Variants in OSBP2 observed in about 807,000 individuals in gnomAD.
OSBP2 encodes the protein oxysterol binding protein 2, also known as oxysterol-binding protein 2.
Under a neutral mutation model 96.0 loss-of-function variants are expected in OSBP2, and 66 were observed. The observed-to-expected ratio is 0.69, with a 90% CI of 0.56 to 0.84. The LOEUF (loss-of-function observed/expected upper bound fraction) is 0.84, where lower values mean the gene tolerates loss of function less well. Ranked by LOEUF, OSBP2 falls within the 40% of genes least tolerant of loss-of-function variation. The probability of loss-of-function intolerance (pLI) is 0.00; values close to 1 mark genes in which losing one functional copy is unlikely to be tolerated. For synonymous variants in OSBP2, 525 were observed against 520.9 expected (o/e 1.01, Z -0.11); for missense variants, 1,038 against 1,222.7 (o/e 0.85, Z 2.25).
intron 2 of OSBP2, among the ~76,000 whole-genome samples, chr22:30,800,864 G>A (rs2090841112): frequency 6.6e-6 from 1 of 152,032 alleles, no homozygotes; most frequent in Non-Finnish European, 1.5e-5. Context: ...TCAATTTGTG[G>A]GCATGTCAGT....
At chr22:30,863,345 TGTTTTCTGGCGAGGGTGCA>T (rs992707179) in intron 2 of OSBP2, among the ~76,000 whole-genome samples, 13 of 152,226 alleles carry the variant, frequency 8.5e-5, no homozygotes, top group African/African-American at 1.9e-4. Flanking sequence ...TGGGAATGGC[TGTTTTCTGGCGAGGGTGCA>T]GTTTTCTGGC....
rs144392805 is a variant in OSBP2, at chr22:30,717,086, G to GTTTTTT, written c.644+21538_644+21539insTTTTTT. 4.3e-3 allele frequency among the ~76,000 whole-genome samples: 414 copies of GTTTTTT among 96,486 alleles called. 23 individuals carry two copies. The highest frequency in any genetic ancestry group is 0.035 in the South Asian group (91 of 2,630). The allele number at this position is 96,486 out of a possible 152,430, so 63.3% of individuals were successfully genotyped here. A position where few individuals can be genotyped will look rare whatever the true frequency, so the allele number is the denominator to read the frequency against. ...AAATCTATTTTGTTTTAATTTTACTGTTTTTGTGTGTGTGTGTGTGTGTGT... is the reference window on the plus strand; with the variant it reads ...AAATCTATTTTGTTTTAATTTTACTGTTTTTTTTTTTGTGTGTGTGTGTGTGTGTGT... On this transcript the variant is annotated intron_variant, in intron 1 of 13. Coordinates refer to ENST00000332585, the MANE Select transcript of OSBP2 (RefSeq NM_030758.4).
At chr22:30,716,732 C>T (rs542398651) in intron 1 of OSBP2, among the ~76,000 whole-genome samples, 5 of 152,336 alleles carry the variant, frequency 3.3e-5, no homozygotes, top group Admixed American at 1.3e-4. Context: ...GCCACCATGC[C>T]TAGCCCCTTT....
chr22:30,901,130 G>A (rs894589808), intron 12 of OSBP2, among the ~76,000 whole-genome samples: 1 of 152,190 alleles, frequency 6.6e-6, no homozygotes, highest in Non-Finnish European at 1.5e-5. Flanking sequence ...GTACAGTGAT[G>A]TGATCTCGAC....
intron 2 of OSBP2, among the ~76,000 whole-genome samples, chr22:30,778,007 T>C (rs1453830863): frequency 6.6e-6 from 1 of 151,996 alleles, no homozygotes; most frequent in Admixed American, 6.6e-5. Flanking sequence ...TATTTATTTA[T>C]TTATTTGAGA....
rs143317425 is a variant in OSBP2 at position 30,736,210 on chromosome 22, G to A, written c.645-4951G>A. ...ATTACAGGTGTGAGCCACCATCCCT[G>A]GCCTGAAGTGATTCATCTTCTAAGC... On this transcript the variant is annotated intron_variant, in intron 1 of 13. Transcript: ENST00000332585. 1.3e-4 allele frequency among the ~76,000 whole-genome samples: 20 copies of A among 152,240 alleles called. No homozygotes were observed. In the East Asian group the frequency reaches 3.7e-3, roughly 28 times the overall value.
At chr22:30,893,600 C>G (rs1184643792) in intron 10 of OSBP2, 34 bp downstream of exon 10, 1 of 1,613,220 alleles carries the variant, frequency 6.2e-7, no homozygotes, top group Non-Finnish European at 8.5e-7. Context: ...GGTGCATGGC[C>G]CGGGGGCTGG....
At chr22:30,894,678 TAAC>T (rs1489629526) in intron 12 of OSBP2, among the ~76,000 whole-genome samples, 1 of 152,130 alleles carries the variant, frequency 6.6e-6, no homozygotes, top group Non-Finnish European at 1.5e-5. Context: ...AAGATAAAAA[TAAC>T]AAAGAAATTC....
rs116483165 is a variant in OSBP2 at position 30,831,671 on chromosome 22, G to C, written c.854-38758G>C. Among the ~76,000 whole-genome samples, 737 of 152,296 alleles carry C rather than the reference G, an allele frequency of 4.8e-3. 7 individuals carry two copies. The highest frequency in any genetic ancestry group is 0.017 in the African/African-American group (711 of 41,554). On this transcript the variant is annotated intron_variant, in intron 2 of 13. Coordinates refer to ENST00000332585, the MANE Select transcript of OSBP2 (RefSeq NM_030758.4). ...AGGGTAGGGCCCTTCTGAATTGGGG[G>C]TGATGCTGGCACTGCCCCTGTTCTC...
chr22:30,902,170 G>T, intron 12 of OSBP2: 1 of 637,324 alleles, frequency 1.6e-6, no homozygotes. Flanking sequence ...TCCCACGGCA[G>T]TACTGGTGGC....
chr22:30,899,751 A>T (rs2040155321), intron 12 of OSBP2, among the ~76,000 whole-genome samples: 1 of 152,184 alleles, frequency 6.6e-6, no homozygotes, highest in Non-Finnish European at 1.5e-5. Context: ...ATATCAGAAA[A>T]TCCAATCCAA....
chr22:30,715,836 C>T (rs2089443937), intron 1 of OSBP2, among the ~76,000 whole-genome samples: 1 of 146,938 alleles, frequency 6.8e-6, no homozygotes, highest in Non-Finnish European at 1.5e-5. Flanking sequence ...GGATTATAAG[C>T]ATGAGCCACC....
At chr22:30,694,072 G>A (rs944437712), upstream of OSBP2, 15 of 1,186,280 alleles carry the variant, frequency 1.3e-5, no homozygotes, top group African/African-American at 3.7e-4. Flanking sequence ...TGCACAGACA[G>A]GTAAACCTCT....
chr22:30,844,280 T>C (rs952452704), intron 2 of OSBP2, among the ~76,000 whole-genome samples: 2 of 152,226 alleles, frequency 1.3e-5, no homozygotes, highest in African/African-American at 4.8e-5. Flanking sequence ...AGAGCCAACC[T>C]GTCCTTTGAA....
chr22:30,835,062 A>G (rs2038604834), intron 2 of OSBP2, among the ~76,000 whole-genome samples: 1 of 151,846 alleles, frequency 6.6e-6, no homozygotes, highest in Admixed American at 6.6e-5. Context: ...TGATCTGCCC[A>G]CCTCGGCCTC....
At position 30,770,097 on chromosome 22, in the gene OSBP2, A is replaced by ATT. The variant is rs136328; in HGVS notation, c.853+28747_853+28748dup. The stretch of plus-strand genomic sequence containing the variant: ...TGTTCCTCATTAACCTTCCCCCATG[A>ATT]TTTTTTTTTTTTTTTTTTTTGAGAT... On this transcript the variant is annotated intron_variant, in intron 2 of 13. Transcript: ENST00000332585. 4.5e-3 allele frequency among the ~76,000 whole-genome samples: 527 copies of ATT among 117,852 alleles called. 6 individuals carry two copies. The highest frequency in any genetic ancestry group is 0.017 in the African/African-American group (507 of 30,006). 77.3% of individuals were successfully genotyped at this position (117,852 alleles called of 152,430 possible).
chr22:30,808,948 C>T (rs887954318), intron 2 of OSBP2, among the ~76,000 whole-genome samples: 2 of 151,416 alleles, frequency 1.3e-5, no homozygotes, highest in Non-Finnish European at 2.9e-5. Flanking sequence ...AGCGAGACTC[C>T]GTCTCAAAAA....
intron 2 of OSBP2, among the ~76,000 whole-genome samples, chr22:30,863,227 C>T (rs1602377258): frequency 6.6e-6 from 1 of 152,118 alleles, no homozygotes. Flanking sequence ...AGCATCTGGC[C>T]GATTGGATTT....
Position 30,870,232 on chromosome 22 carries a change from G to T in OSBP2, c.854-197G>T, listed in dbSNP as rs1374341525. ...TTCCCACTGACTCAGGTGGGCCCTT[G>T]CCCACCCCACCCTGGGAAGGCTGGG... On this transcript the variant is annotated intron_variant, in intron 2 of 13. Coordinates refer to ENST00000332585, the MANE Select transcript of OSBP2 (RefSeq NM_030758.4). This position sits in a 1 kb window ranked among gnomAD's most constrained non-coding sequence, Gnocchi z 4.1. Among the ~76,000 whole-genome samples the T allele has an allele frequency of 6.6e-6, 1 of 152,114 alleles. No individual in the cohort carries two copies.
Sources: allele counts gnomAD v4.1 joint callset (sites outside exome capture counted in the v4.1 genomes callset), GRCh38; gene constraint gnomAD v4.1.1; non-coding constraint Gnocchi (gnomAD v3.1); transcripts MANE v1.5; gene names NCBI Gene and HGNC (gene_info 2026-07-23, HGNC 2026-07-21).